Variants in XPO5 observed in about 807,000 individuals in gnomAD.
XPO5 encodes the protein exportin-5.
XPO5 carries 46 observed loss-of-function variants against 160.6 expected under a neutral mutation model. That is an observed-to-expected ratio of 0.29 (90% confidence interval 0.23 to 0.37). The LOEUF (loss-of-function observed/expected upper bound fraction) is 0.37. Among genes scored for constraint, XPO5 ranks in the 10% least tolerant of loss-of-function variants. XPO5 has a pLI of 1.00. For missense variants in XPO5, 1,090 were observed against 1,463.9 expected (o/e 0.74, Z 4.17); for synonymous variants, 537 against 519.3 (o/e 1.03, Z -0.46).
At chr6:43,539,517 C>A in intron 20 of XPO5, 1 of 1,532,722 alleles carries the variant, frequency 6.5e-7, no homozygotes, top group Non-Finnish European at 8.9e-7. Context: ...AGCTTGGTGA[C>A]GGGCATCCAC....
At position 43,549,924 on chromosome 6, in the gene XPO5, G is replaced by C. The variant is rs769738971; in HGVS notation, c.1739C>G (p.Ser580Cys). The C allele has an allele frequency of 6.2e-7, 1 of 1,612,310 alleles. No individual in the cohort carries two copies. Among genetic ancestry groups the C allele is most frequent in the South Asian group, 1.1e-5 (1 of 90,692 alleles). ...TTCTTCAACAGTTTCAAAAGTGACA[G>C]ATGAAAATAGCTAAGGGAGAGGAGG... The part of the protein sequence containing the change: ...LPQVFSKLFS[S>C]VTFETVEESK... The change falls in exon 16 of 32, where the codon TCT becomes TGT. Residue 580 changes from serine (S) to cysteine (C), a missense_variant. This residue lies in a region of XPO5 where 810 missense variants were observed against 1,139.0 expected (regional missense o/e 0.71). Transcript: ENST00000265351.
rs922553482 is a variant in XPO5 at position 43,575,980 on chromosome 6, G to C, written c.-116C>G. On this transcript the variant is annotated 5_prime_UTR_variant, in exon 1 of 32. Transcript: ENST00000265351. Reference sequence around the variant, plus strand: ...GGGCCGCGGCGGGCGGCGGGGGTGGGAAGCTGGAGGAGGAGCGTTAGCAGC... The same window carrying C: ...GGGCCGCGGCGGGCGGCGGGGGTGGCAAGCTGGAGGAGGAGCGTTAGCAGC... The C allele has an allele frequency of 1.1e-6, 1 of 950,790 alleles. No homozygotes were observed. Among genetic ancestry groups the C allele is most frequent in the Non-Finnish European group, 1.6e-6 (1 of 624,786 alleles). The allele number at this position is 950,790 out of a possible 1,614,324, so 58.9% of individuals were successfully genotyped here.
In XPO5 at chr6:43,523,889, C is replaced by T. The variant is rs1582188921; in HGVS notation, c.3594G>A (p.Leu1198=). 1 of 1,614,020 alleles carries T rather than the reference C, an allele frequency of 6.2e-7. No homozygotes were observed. Among genetic ancestry groups the T allele is most frequent in the Admixed American group, 1.7e-5 (1 of 60,022 alleles). The stretch of plus-strand genomic sequence containing the variant: ...TGATTCAGGGTTCAAAGATGGTGGC[C>T]AGGCCACCCCCATCATTGTCCAGCA... ...TEVLDNDGGG[L]ATIFEP is the part of the protein sequence containing the mutation. Residue 1198 remains leucine (L), a synonymous_variant, in exon 32 of 32, where the codon CTG becomes CTA. Coordinates refer to ENST00000265351, the MANE Select transcript of XPO5 (RefSeq NM_020750.3).
intron 1 of XPO5, 88 bp from the exon 2 acceptor site, chr6:43,573,689 C>A: frequency 6.8e-7 from 1 of 1,463,044 alleles, no homozygotes; most frequent in East Asian, 2.6e-5. Flanking sequence ...CAACCAGGGC[C>A]GGGTGCGGTG....
Position 43,565,741 on chromosome 6 carries a change from A to T in XPO5, c.835-5T>A. The T allele has an allele frequency of 6.3e-7, 1 of 1,598,426 alleles. No homozygotes were observed. Among genetic ancestry groups the T allele is most frequent in the Non-Finnish European group, 8.5e-7 (1 of 1,173,568 alleles). On this transcript the variant is annotated splice_region_variant and splice_polypyrimidine_tract_variant and intron_variant, in intron 7 of 31. Coordinates refer to ENST00000265351, the MANE Select transcript of XPO5 (RefSeq NM_020750.3). The stretch of plus-strand genomic sequence containing the variant: ...CTTCCGGTCTTCCAACTTGCCCTAG[A>T]CCCAATTTTAGGGAAACATAGTCAT...
At position 43,524,828 on chromosome 6, in the gene XPO5, C is replaced by T. The variant is rs1428876674; in HGVS notation, c.3312+3G>A. The T allele has an allele frequency of 1.9e-6, 3 of 1,608,868 alleles. No homozygotes were observed. The African/African-American group carries it at 4.2e-5, about 22-fold the overall frequency. ...ATCCTTCCCCCATGCCTTCCCCACT[C>T]ACCAGTGCCTCGTATATCTGGAAGG... On this transcript the variant is annotated splice_donor_region_variant and intron_variant, in intron 30 of 31. Coordinates refer to ENST00000265351, the MANE Select transcript of XPO5 (RefSeq NM_020750.3).
chr6:43,554,412 CTTTT>C (rs1761910450), intron 13 of XPO5, among the ~76,000 whole-genome samples: 1 of 147,126 alleles, frequency 6.8e-6, no homozygotes, highest in South Asian at 2.2e-4. Context: ...TGCCCAGCCG[CTTTT>C]CTTTTCTTTT....
rs1471184698 is a variant in XPO5 at position 43,570,990 on chromosome 6, G to A, written c.305C>T (p.Thr102Ile). Reference protein sequence around the residue: ...NSVMELIANGTLNILEEENHI... With the variant: ...NSVMELIANGILNILEEENHI... ...GTTCTCCTCTTCCAAAATGTTCAAT[G>A]TTCCCTGAAAAAGAACAAGAGATAT... The change falls in exon 4 of 32, where the codon ACA (threonine) becomes ATA (isoleucine). Residue 102 changes from threonine (T) to isoleucine (I), a missense_variant. Physicochemically the swap from Thr to Ile is moderately conservative, Grantham distance 89. Around this residue, in one of 3 missense-constraint regions of XPO5, gnomAD observed 170 missense variants for 227.0 expected, o/e 0.75. Coordinates refer to ENST00000265351, the MANE Select transcript of XPO5 (RefSeq NM_020750.3). 3 of 1,608,270 alleles carry A rather than the reference G, an allele frequency of 1.9e-6. No individual in the cohort carries two copies. The highest frequency in any genetic ancestry group is 2.5e-6 in the Non-Finnish European group (3 of 1,178,306).
chr6:43,565,056 G>A (rs1168191065), intron 8 of XPO5, among the ~76,000 whole-genome samples: 1 of 151,804 alleles, frequency 6.6e-6, no homozygotes, highest in African/African-American at 2.4e-5. Flanking sequence ...CTGAGTAGCT[G>A]GGATTACAGG....
chr6:43,526,528 T>G (rs1582193502), intron 27 of XPO5, 157 bp downstream of exon 27: 2 of 748,184 alleles, frequency 2.7e-6, no homozygotes, highest in South Asian at 1.7e-5. Flanking sequence ...GAGGTGGGAG[T>G]ATGATGGAGG....
intron 20 of XPO5, among the ~76,000 whole-genome samples, chr6:43,541,327 GTGAT>G (rs1794679032): frequency 6.6e-6 from 1 of 152,212 alleles, no homozygotes; most frequent in African/African-American, 2.4e-5. Context: ...TTTAATTGAT[GTGAT>G]TATTATTATG....
chr6:43,570,425 C>T, intron 5 of XPO5, 77 bp downstream of exon 5: 1 of 1,351,256 alleles, frequency 7.4e-7, no homozygotes, highest in Non-Finnish European at 9.9e-7. Context: ...CCTAGACACC[C>T]TAGTTCCTTA....
chr6:43,558,628 G>A, intron 11 of XPO5, 37 bp from the exon 12 acceptor site: 4 of 1,487,692 alleles, frequency 2.7e-6, no homozygotes, highest in African/African-American at 1.4e-5. Context: ...GGGGATGAAA[G>A]TGGACCCACT....
At chr6:43,547,326 A>G (rs1795011206) in intron 19 of XPO5, 3 of 486,136 alleles carry the variant, frequency 6.2e-6, no homozygotes, top group Non-Finnish European at 1.1e-5. Context: ...CCTGCTGACC[A>G]AGTTCTGACC....
At chr6:43,534,912 T>C (rs1794221213) in intron 20 of XPO5, among the ~76,000 whole-genome samples, 2 of 152,056 alleles carry the variant, frequency 1.3e-5, no homozygotes, top group Admixed American at 6.6e-5. Flanking sequence ...GCAGAATTGC[T>C]TGAACTTGCG....
intron 20 of XPO5, among the ~76,000 whole-genome samples, chr6:43,536,509 A>G (rs1490200528): frequency 6.6e-6 from 1 of 151,774 alleles, no homozygotes; most frequent in Non-Finnish European, 1.5e-5. Flanking sequence ...CTGTAATCCC[A>G]GCACTTTAGG....
In XPO5 at chr6:43,523,186, A is replaced by G. The variant is rs1343613481; in HGVS notation, c.*682T>C. On this transcript the variant is annotated 3_prime_UTR_variant, in exon 32 of 32. Coordinates refer to ENST00000265351, the MANE Select transcript of XPO5 (RefSeq NM_020750.3). ...GAAGGGCAAGATGTGTGAACTCTAA[A>G]GGGGATGTTAGCACTAAAGACTTCC... 3.5e-5 allele frequency: 6 copies of G among 170,446 alleles called. No homozygotes were observed. In the East Asian group the frequency reaches 9.3e-4, roughly 26 times the overall value. 10.6% of individuals were successfully genotyped at this position (170,446 alleles called of 1,614,324 possible).
At chr6:43,528,245 A>G in intron 24 of XPO5, 40 bp from the exon 25 acceptor site, 1 of 1,553,562 alleles carries the variant, frequency 6.4e-7, no homozygotes, top group Non-Finnish European at 8.7e-7. Flanking sequence ...GAATTGGGGA[A>G]AGGATTGGAA....
rs1262567019 is a variant in XPO5, at chr6:43,551,461, A to G, written c.1573-8T>C. 1 of 1,610,782 alleles carries G rather than the reference A, an allele frequency of 6.2e-7. No homozygotes were observed. The highest frequency in any genetic ancestry group is 1.3e-5 in the African/African-American group (1 of 74,778). ...ATCATTAACAGGAATTTCCTGTAAC[A>G]AAGACATAAAACAGGTTGACAATGG... On this transcript the variant is annotated splice_region_variant and splice_polypyrimidine_tract_variant and intron_variant, in intron 14 of 31. Coordinates refer to ENST00000265351, the MANE Select transcript of XPO5 (RefSeq NM_020750.3).
Sources: gnomAD v4.1 joint callset for allele counts (sites outside exome capture counted in the v4.1 genomes callset) on GRCh38, gnomAD v4.1.1 for gene constraint, gnomAD v4.1.1 regional missense constraint, MANE v1.5 for transcripts, NCBI Gene and HGNC (gene_info 2026-07-23, HGNC 2026-07-21) for gene names.